The following CBR4 variants were observed in gnomAD, a reference collection of about 807,000 sequenced individuals.
CBR4 encodes 3-oxoacyl-[acyl-carrier-protein] reductase.
In CBR4, 22 loss-of-function variants were observed where a neutral mutation model predicts 21.0. That is an observed-to-expected ratio of 1.05 (90% CI 0.75 to 1.50). CBR4 has a LOEUF of 1.50. CBR4 is among the 40% of genes most tolerant of loss of function. The pLI is 0.00. For missense variants in CBR4, 302 were observed against 286.3 expected (o/e 1.05, Z -0.40); for synonymous variants, 100 against 104.4 (o/e 0.96, Z 0.26).
chr4:168,968,449 G>T (rs1243502253), intron 2 of CBR4, among the ~76,000 whole-genome samples: 2 of 152,176 alleles, frequency 1.3e-5, no homozygotes. Flanking sequence ...AACCATAAAT[G>T]TATACTTTTG....
At chr4:168,977,605 C>T (rs1025170647) in intron 2 of CBR4, among the ~76,000 whole-genome samples, 1 of 152,200 alleles carries the variant, frequency 6.6e-6, no homozygotes, top group Admixed American at 6.5e-5. Flanking sequence ...TGTTTCTACA[C>T]AGATGATATA....
chr4:168,926,776 T>C lies in CBR4; in HGVS notation n.170-32011A>G, dbSNP rs550529996. On this transcript the variant is annotated intron_variant and non_coding_transcript_variant, in intron 2 of 3. Coordinates refer to the CBR4 transcript ENST00000509108. ...TGTGAAATGTTTAATGAGGGAGTTG[T>C]ACCACAAACAGTACTACAATGATTC... 1.6e-5 allele frequency: 4 copies of C among 243,932 alleles called. No homozygotes were observed. The East Asian group carries it at 2.5e-4, about 15-fold the overall frequency. 15.1% of individuals were successfully genotyped at this position (243,932 alleles called of 1,614,324 possible).
chr4:168,922,790 C>T (rs1761841216), intron 2 of CBR4, among the ~76,000 whole-genome samples: 1 of 152,206 alleles, frequency 6.6e-6, no homozygotes, highest in Non-Finnish European at 1.5e-5. Context: ...TAAAACTTCA[C>T]TTTTCTGCTG....
chr4:168,913,917 A>T, intron 2 of CBR4: 1 of 1,583,428 alleles, frequency 6.3e-7, no homozygotes, highest in Non-Finnish European at 8.7e-7. Context: ...ATTTCCTGAT[A>T]TTTCTACAGG....
intron 2 of CBR4, chr4:168,927,021 G>C (rs1321499980): frequency 4.6e-6 from 1 of 219,348 alleles, no homozygotes; most frequent in African/African-American, 2.2e-5. Context: ...TTTATGTGTA[G>C]TGTTTTCATG....
chr4:168,927,708 G>A (rs1031808393), intron 2 of CBR4: 19 of 223,802 alleles, frequency 8.5e-5, no homozygotes, highest in Middle Eastern at 2.7e-3. Context: ...AAGGCATCTC[G>A]GTAAAGACTG....
chr4:169,000,353 T>A (rs1350240003), intron 4 of CBR4, among the ~76,000 whole-genome samples: 2 of 151,220 alleles, frequency 1.3e-5, no homozygotes, highest in East Asian at 3.9e-4. Flanking sequence ...AGATTTAGAA[T>A]GTCTGAATGT....
chr4:168,962,154 A>C (rs530043342), intron 2 of CBR4, among the ~76,000 whole-genome samples: 42 of 152,356 alleles, frequency 2.8e-4, no homozygotes, highest in African/African-American at 1.0e-3. Flanking sequence ...CCATTTTACT[A>C]TGTATTTCAA....
intron 2 of CBR4, chr4:168,927,964 G>C (rs1038157809): frequency 4.1e-5 from 8 of 196,128 alleles, no homozygotes; most frequent in Admixed American, 3.0e-4. Context: ...TTCATACGTA[G>C]TATTTTTTAA....
At chr4:168,997,624 G>T (rs1765268860) in intron 4 of CBR4, among the ~76,000 whole-genome samples, 1 of 152,066 alleles carries the variant, frequency 6.6e-6, no homozygotes, top group African/African-American at 2.4e-5. Flanking sequence ...TTTTTAAAAA[G>T]ATTATATCCT....
rs1476681426 is a variant in CBR4 at position 168,899,155 on chromosome 4, T to C, written n.170-4390A>G. 2.0e-5 allele frequency among the ~76,000 whole-genome samples: 3 copies of C among 152,130 alleles called. No homozygotes were observed. In the East Asian group the frequency reaches 5.8e-4, roughly 29 times the overall value. On this transcript the variant is annotated intron_variant and non_coding_transcript_variant, in intron 2 of 3. Transcript: ENST00000509108. The stretch of plus-strand genomic sequence containing the variant: ...CAATCTTTAATCAAAAAACCAAGGC[T>C]GCTTATATTAATATTTACAGAGGGA...
chr4:168,951,069 C>CT (rs960251904), intron 2 of CBR4, among the ~76,000 whole-genome samples: 17 of 151,536 alleles, frequency 1.1e-4, no homozygotes, highest in East Asian at 3.9e-4. Context: ...TTTTTTTCTT[C>CT]TTTTTTTTGA....
At chr4:168,907,104 C>T (rs1037528619) in intron 2 of CBR4, among the ~76,000 whole-genome samples, 4 of 151,778 alleles carry the variant, frequency 2.6e-5, no homozygotes, top group African/African-American at 7.3e-5. Flanking sequence ...CTGTTTCCTC[C>T]CTCGTAAAAT....
intron 2 of CBR4, among the ~76,000 whole-genome samples, chr4:168,935,245 C>T (rs985242836): frequency 6.6e-6 from 1 of 152,188 alleles, no homozygotes; most frequent in African/African-American, 2.4e-5. Context: ...CATTCCAGGC[C>T]AGATACCACG....
chr4:168,925,866 A>C (rs764923897), intron 2 of CBR4, among the ~76,000 whole-genome samples: 18 of 152,156 alleles, frequency 1.2e-4, no homozygotes, highest in Non-Finnish European at 1.8e-4. Context: ...AAGTGCTATA[A>C]TTATTTTAGA....
chr4:168,912,414 AAGG>A (rs1759159031), intron 2 of CBR4, among the ~76,000 whole-genome samples: 1 of 152,172 alleles, frequency 6.6e-6, no homozygotes, highest in African/African-American at 2.4e-5. Flanking sequence ...TGAGAGAGTG[AAGG>A]AGAAAAATCA....
chr4:168,982,959 A>C (rs1182098028), downstream of CBR4, among the ~76,000 whole-genome samples: 2 of 152,126 alleles, frequency 1.3e-5, no homozygotes, highest in Admixed American at 6.5e-5. Flanking sequence ...GCCCACATAC[A>C]TCAAAAAGTT....
At chr4:168,961,944 AGAGGAGAGGAGAGGAGAGGAGAGG>A in intron 2 of CBR4, among the ~76,000 whole-genome samples, 1 of 914 alleles carries the variant, frequency 1.1e-3, no homozygotes, top group Non-Finnish European at 2.1e-3. Flanking sequence ...AGAGCACAGG[AGAGGAGAGGAGAGGAGAGGAGAGG>A]AGAGGAGAGG....
Position 168,922,102 on chromosome 4 carries a change from TACACACACACACACACACAC to T in CBR4, n.170-27357_170-27338del, listed in dbSNP as rs35503011. Among the ~76,000 whole-genome samples the T allele has an allele frequency of 1.9e-4, 25 of 132,632 alleles. No individual in the cohort carries two copies. The East Asian group carries it at 2.3e-3, about 12-fold the overall frequency. 87.0% of individuals were successfully genotyped at this position (132,632 alleles called of 152,430 possible). A position where few individuals can be genotyped will look rare whatever the true frequency, so the allele number is the denominator to read the frequency against. ...TTTTATATTTATATATATATATATA[TACACACACACACACACACAC>T]ACACACACACACACACACACACCTG... On this transcript the variant is annotated intron_variant and non_coding_transcript_variant, in intron 2 of 3. Coordinates refer to the CBR4 transcript ENST00000509108.
Sources: gnomAD v4.1 joint callset for allele counts (sites outside exome capture counted in the v4.1 genomes callset) on GRCh38, gnomAD v4.1.1 for gene constraint, MANE v1.5 for transcripts, NCBI Gene and HGNC (gene_info 2026-07-23, HGNC 2026-07-21) for gene names.